Variants in CREB5 observed in about 807,000 individuals in gnomAD.
CREB5 encodes cyclic AMP-responsive element-binding protein 5.
A neutral mutation model predicts 57.1 loss-of-function variants in CREB5; 19 were observed. That is an observed-to-expected ratio of 0.33 (90% confidence interval 0.23 to 0.49). The LOEUF (loss-of-function observed/expected upper bound fraction) is 0.49. CREB5 is among the 20% of genes least tolerant of loss of function. CREB5 has a pLI of 0.99. For synonymous variants in CREB5, 238 were observed against 238.3 expected, an observed-to-expected ratio of 1.00 and a Z score of 0.01; for missense variants, 579 against 671.6, an observed-to-expected ratio of 0.86 and a Z score of 1.52.
At chr7:28,727,722 T>C (rs1346248288) in intron 7 of CREB5, among the ~76,000 whole-genome samples, 1 of 152,208 alleles carries the variant, frequency 6.6e-6, no homozygotes, top group African/African-American at 2.4e-5. Flanking sequence ...CTGTCTTGTG[T>C]CTCATTAACT....
rs146057379 is a variant in CREB5, at chr7:28,485,265, G to A, written c.4-2910G>A. ...CTGTTGCTTGGACATGAATCTAATT[G>A]TTATCATTAATGACCACTTTCAGAT... On this transcript the variant is annotated intron_variant, in intron 1 of 10. Coordinates refer to ENST00000357727, the MANE Select transcript of CREB5 (RefSeq NM_182898.4). Among the ~76,000 whole-genome samples, 458 of 152,086 alleles carry A rather than the reference G, an allele frequency of 3.0e-3. 1 individual carries two copies. The highest frequency in any genetic ancestry group is 0.011 in the African/African-American group (438 of 41,494).
At chr7:28,613,630 T>A (rs1226266093) in intron 5 of CREB5, among the ~76,000 whole-genome samples, 1 of 152,240 alleles carries the variant, frequency 6.6e-6, no homozygotes, top group African/African-American at 2.4e-5. Context: ...CGATTACTGG[T>A]CATTAACTGC....
At chr7:28,504,829 T>C (rs1792414613) in intron 3 of CREB5, among the ~76,000 whole-genome samples, 1 of 152,156 alleles carries the variant, frequency 6.6e-6, no homozygotes, top group Admixed American at 6.5e-5. Context: ...CAAGAAAGAT[T>C]GGCACCAAAA....
chr7:28,591,926 C>G (rs1796536350), intron 5 of CREB5, among the ~76,000 whole-genome samples: 3 of 152,124 alleles, frequency 2.0e-5, no homozygotes, highest in Admixed American at 2.0e-4. Context: ...AGGGGGTATT[C>G]TGAGATTTCC....
At chr7:28,817,406 A>C (rs1809500368) in intron 9 of CREB5, among the ~76,000 whole-genome samples, 1 of 152,190 alleles carries the variant, frequency 6.6e-6, no homozygotes, top group South Asian at 2.1e-4. Context: ...TCATGACTGA[A>C]GGTCAATTTA....
intron 5 of CREB5, among the ~76,000 whole-genome samples, chr7:28,620,167 A>G (rs926957817): frequency 2.0e-5 from 3 of 152,200 alleles, no homozygotes; most frequent in Non-Finnish European, 4.4e-5. Flanking sequence ...CAGTCGTCTC[A>G]TAGATTCTTC....
At chr7:28,658,965 A>ATATATATATATATATATATATATATATG (rs1583493265) in intron 5 of CREB5, among the ~76,000 whole-genome samples, 20 of 135,508 alleles carry the variant, frequency 1.5e-4, no homozygotes, top group Admixed American at 3.0e-4. Flanking sequence ...ATATATATAT[A>ATATATATATATATATATATATATATATG]TATATATATA....
At chr7:28,590,766 C>G (rs577582541) in intron 5 of CREB5, among the ~76,000 whole-genome samples, 1 of 151,994 alleles carries the variant, frequency 6.6e-6, no homozygotes, top group African/African-American at 2.4e-5. Context: ...GTTAATCACT[C>G]AGTGCCTCTG....
chr7:28,792,524 A>G (rs1209713484), intron 7 of CREB5, among the ~76,000 whole-genome samples: 1 of 152,220 alleles, frequency 6.6e-6, no homozygotes, highest in Non-Finnish European at 1.5e-5. Context: ...AATGCTGTGC[A>G]CTGTCATCTT....
At chr7:28,648,470 T>C (rs1248496731) in intron 5 of CREB5, among the ~76,000 whole-genome samples, 1 of 152,128 alleles carries the variant, frequency 6.6e-6, no homozygotes, top group African/African-American at 2.4e-5. Context: ...GTGCTGTGGC[T>C]CACACCTGTA....
At chr7:28,624,907 C>T (rs954544809) in intron 5 of CREB5, among the ~76,000 whole-genome samples, 18 of 151,902 alleles carry the variant, frequency 1.2e-4, no homozygotes, top group African/African-American at 4.1e-4. Flanking sequence ...CCTACACTGA[C>T]GTGCCTGGAT....
At chr7:28,562,927 G>A (rs564215334) in intron 4 of CREB5, among the ~76,000 whole-genome samples, 2 of 152,160 alleles carry the variant, frequency 1.3e-5, no homozygotes, top group Non-Finnish European at 2.9e-5. Flanking sequence ...TGTACCACAA[G>A]ACTTAGAAGC....
At chr7:28,507,402 G>A (rs779204381) in intron 3 of CREB5, among the ~76,000 whole-genome samples, 2 of 152,146 alleles carry the variant, frequency 1.3e-5, no homozygotes, top group Admixed American at 1.3e-4. Context: ...AAAAGCCCTC[G>A]CAGACTACAG....
At chr7:28,335,571 T>C (rs984211559) in intron 1 of CREB5, among the ~76,000 whole-genome samples, 1 of 152,094 alleles carries the variant, frequency 6.6e-6, no homozygotes, top group African/African-American at 2.4e-5. Context: ...TTACTGAATT[T>C]GTCACTTCTA....
intron 7 of CREB5, among the ~76,000 whole-genome samples, chr7:28,728,164 T>C (rs1803428810): frequency 6.6e-6 from 1 of 152,178 alleles, no homozygotes; most frequent in African/African-American, 2.4e-5. Context: ...GGTCTCAAAT[T>C]CCTAGCCTCA....
intron 1 of CREB5, among the ~76,000 whole-genome samples, chr7:28,474,852 A>G (rs141623650): frequency 2.2e-3 from 336 of 152,300 alleles, no homozygotes; most frequent in Middle Eastern, 6.8e-3. Context: ...AGTGGAGGAT[A>G]TAAATCAAAG....
chr7:28,520,015 G>T (rs1002838258), intron 4 of CREB5, among the ~76,000 whole-genome samples: 1 of 152,180 alleles, frequency 6.6e-6, no homozygotes, highest in African/African-American at 2.4e-5. Context: ...CACATGAGTT[G>T]GTGTTAGAAG....
chr7:28,655,428 C>T (rs958963936), intron 5 of CREB5, among the ~76,000 whole-genome samples: 2 of 151,984 alleles, frequency 1.3e-5, no homozygotes, highest in Non-Finnish European at 2.9e-5. Context: ...GCTGTGTGGC[C>T]ATCCTGCTTG....
At chr7:28,696,829 TACAC>T (rs1801596684) in intron 5 of CREB5, among the ~76,000 whole-genome samples, 2 of 142,202 alleles carry the variant, frequency 1.4e-5, no homozygotes, top group African/African-American at 2.5e-5. Context: ...TACGTATACA[TACAC>T]ATACGTATAT....
Sources: gnomAD v4.1 joint callset for allele counts (sites outside exome capture counted in the v4.1 genomes callset) on GRCh38, gnomAD v4.1.1 for gene constraint, MANE v1.5 for transcripts, NCBI Gene and HGNC (gene_info 2026-07-23, HGNC 2026-07-21) for gene names.